PRRC2A: variants seen among roughly 807,000 people sequenced by gnomAD.
PRRC2A encodes protein PRRC2A.
In PRRC2A, 59 loss-of-function variants were observed where a neutral mutation model predicts 224.6. The observed-to-expected ratio is 0.26, with a 90% confidence interval of 0.21 to 0.33. The LOEUF (loss-of-function observed/expected upper bound fraction) is 0.33, where lower values mean the gene tolerates loss of function less well. PRRC2A is among the 10% of genes least tolerant of loss of function. PRRC2A has a pLI of 1.00. For missense variants in PRRC2A, 3,095 were observed against 2,880.7 expected (o/e 1.07, Z -1.70); for synonymous variants, 1,194 against 1,109.5 (o/e 1.08, Z -1.51).
chr6:31,635,320 G>T, intron 22 of PRRC2A, 48 bp downstream of exon 22: 2 of 1,613,784 alleles, frequency 1.2e-6, no homozygotes, highest in Non-Finnish European at 8.5e-7. Flanking sequence ...GGAGAGAAGG[G>T]AAGGACTAAA....
At position 31,630,793 on chromosome 6, in the gene PRRC2A, G is replaced by A; in HGVS notation, c.2457G>A (p.Lys819=). 1 of 1,614,070 alleles carries A rather than the reference G, an allele frequency of 6.2e-7. No individual in the cohort carries two copies. The highest frequency in any genetic ancestry group is 8.5e-7 in the Non-Finnish European group (1 of 1,180,000). The change falls in exon 15 of 31, where the codon AAG becomes AAA. Residue 819 remains lysine, a synonymous_variant. Transcript: ENST00000376033. The part of the protein sequence containing the change: ...PLRQAADEDD[K]GMRSETPPVP... Reference sequence around the variant, plus strand: ...GCCAGGCTGCGGATGAGGATGACAAGGGGATGAGGTGAGTCTTGGTCATGA... The same window carrying A: ...GCCAGGCTGCGGATGAGGATGACAAAGGGATGAGGTGAGTCTTGGTCATGA...
At chr6:31,628,920 T>A in intron 12 of PRRC2A, 1 of 546,810 alleles carries the variant, frequency 1.8e-6, no homozygotes, top group Non-Finnish European at 3.2e-6. Flanking sequence ...AAGAAAGTAC[T>A]GTTGTTCTAA....
At position 31,635,569 on chromosome 6, in the gene PRRC2A, C is replaced by G; in HGVS notation, c.5374-13C>G. The stretch of plus-strand genomic sequence containing the variant: ...TGCCAGACATCCCTCTCCACGAGGC[C>G]TCTCCTTCCCAGGCCATTCCTGTAT... On this transcript the variant is annotated splice_polypyrimidine_tract_variant and intron_variant, in intron 23 of 30. Transcript: ENST00000376033. The G allele has an allele frequency of 6.2e-7, 1 of 1,610,572 alleles. No homozygotes were observed. The highest frequency in any genetic ancestry group is 8.5e-7 in the Non-Finnish European group (1 of 1,178,306).
intron 14 of PRRC2A, 78 bp downstream of exon 14, chr6:31,629,923 C>T (rs3130623): frequency 0.18 from 287,245 of 1,571,048 alleles, 28,153 homozygotes; most frequent in African/African-American, 0.21. Context: ...CTTACTGTGA[C>T]TCTGGTACGA....
intron 1 of PRRC2A, 64 bp from the exon 2 acceptor site, chr6:31,622,626 C>T (rs1775419683): frequency 3.4e-6 from 2 of 596,688 alleles, no homozygotes; most frequent in African/African-American, 3.8e-5. Flanking sequence ...ACCAGAGGGC[C>T]TCATATCTGA....
At position 31,634,265 on chromosome 6, in the gene PRRC2A, A is replaced by G. The variant is rs748554560; in HGVS notation, c.4749A>G (p.Gly1583=). 5.0e-5 allele frequency: 80 copies of G among 1,595,042 alleles called. No individual in the cohort carries two copies. The South Asian group carries it at 6.6e-4, about 13-fold the overall frequency. The change falls in exon 19 of 31, where the codon GGA becomes GGG. Residue 1583 remains glycine (G), a synonymous_variant. Coordinates refer to ENST00000376033, the MANE Select transcript of PRRC2A (RefSeq NM_004638.4). ...EESLPPPHSS[G]FLGSKPEGPG... ...CTTTGCCACCTCCTCATAGCTCTGGATTCTTGGGCTCTAAGCCTGAGGGCC... is the reference window on the plus strand; with the variant it reads ...CTTTGCCACCTCCTCATAGCTCTGGGTTCTTGGGCTCTAAGCCTGAGGGCC...
At position 31,636,508 on chromosome 6, in the gene PRRC2A, A is replaced by G. The variant is rs1777366144; in HGVS notation, c.5836-2A>G. On this transcript the variant is annotated splice_acceptor_variant, in intron 26 of 30. Transcript: ENST00000376033. LOFTEE classifies it high-confidence loss of function. The surrounding 1 kb of genome is among the most constrained non-coding windows in gnomAD (Gnocchi z 4.3). ...GATATATTTCTCCCTGTTTCCCGAC[A>G]GGTACGCCAGGATCTGCCATCCCCT... The G allele has an allele frequency of 6.2e-7, 1 of 1,608,734 alleles. No homozygotes were observed. Among genetic ancestry groups the G allele is most frequent in the South Asian group, 1.1e-5 (1 of 90,814 alleles).
At position 31,631,079 on chromosome 6, in the gene PRRC2A, C is replaced by G; in HGVS notation, c.2466-60C>G. 7.1e-7 allele frequency: 1 copy of G among 1,405,318 alleles called. No homozygotes were observed. The highest frequency in any genetic ancestry group is 9.6e-7 in the Non-Finnish European group (1 of 1,036,920). 87.1% of individuals were successfully genotyped at this position (1,405,318 alleles called of 1,614,324 possible). A position where few individuals can be genotyped will look rare whatever the true frequency, so the allele number is the denominator to read the frequency against. On this transcript the variant is annotated intron_variant, in intron 15 of 30. Coordinates refer to ENST00000376033, the MANE Select transcript of PRRC2A (RefSeq NM_004638.4). The surrounding 1 kb of genome is among the most constrained non-coding windows in gnomAD (Gnocchi z 4.5). The stretch of plus-strand genomic sequence containing the variant: ...CTGCATCATAATAAAGTGTTCTTTT[C>G]CCACCTAGTTCTGGTTTTCCTGAGA...
At chr6:31,635,050 C>G (rs763261359) in intron 21 of PRRC2A, 73 bp downstream of exon 21, 5 of 1,596,588 alleles carry the variant, frequency 3.1e-6, no homozygotes, top group Non-Finnish European at 8.6e-7. Context: ...TCTGCTTTTT[C>G]TCTCTGCGTG....
intron 12 of PRRC2A, chr6:31,628,614 C>T (rs1015892418): frequency 4.0e-5 from 11 of 275,088 alleles, no homozygotes; most frequent in African/African-American, 8.7e-5. Flanking sequence ...GAGGCCGAGG[C>T]GGGCAGAACA....
In PRRC2A at chr6:31,633,869, T is replaced by C; in HGVS notation, c.4599T>C (p.Phe1533=). The change falls in exon 18 of 31, where the codon TTT becomes TTC. Residue 1533 remains phenylalanine (F), a synonymous_variant. Transcript: ENST00000376033. ...TTTTCTCTTTCCCAGACCCCCACTT[T>C]GAGGAGCCGGGGCCAATGGTGAGAG... ...VNSGLSSDPH[F]EEPGPMVRGV... is the part of the protein sequence containing the mutation. The C allele has an allele frequency of 2.5e-6, 4 of 1,574,386 alleles. 1 individual carries two copies. The South Asian group carries it at 4.7e-5, about 19-fold the overall frequency.
chr6:31,631,929 G>C lies in PRRC2A; in HGVS notation c.3256G>C (p.Glu1086Gln). The C allele has an allele frequency of 1.9e-6, 3 of 1,612,892 alleles. No homozygotes were observed. Among genetic ancestry groups the C allele is most frequent in the Non-Finnish European group, 2.5e-6 (3 of 1,179,994 alleles). The change falls in exon 16 of 31, where the codon GAG becomes CAG. Residue 1086 changes from glutamate (E) to glutamine (Q), a missense_variant. Glu to Gln is a conservative substitution (Grantham distance 29). Coordinates refer to ENST00000376033, the MANE Select transcript of PRRC2A (RefSeq NM_004638.4). This position sits in a 1 kb window ranked among gnomAD's most constrained non-coding sequence, Gnocchi z 4.5. The stretch of plus-strand genomic sequence containing the variant: ...TGCTCCCCGAGGCCGCACTGCCAGC[G>C]AGACACGGAGCGAGGGTTCAGAGTA... ...PPAPRGRTAS[E>Q]TRSEGSEYEE...
Position 31,627,668 on chromosome 6 carries a change from C to A in PRRC2A, c.1291-97C>A, listed in dbSNP as rs183612130. 9.4e-5 allele frequency: 137 copies of A among 1,462,980 alleles called. No homozygotes were observed. In the African/African-American group the frequency reaches 1.9e-3, roughly 20 times the overall value. The allele number at this position is 1,462,980 out of a possible 1,614,324, so 90.6% of individuals were successfully genotyped here. A position where few individuals can be genotyped will look rare whatever the true frequency, so the allele number is the denominator to read the frequency against. ...ATCAACCCCAAAGCCTGGGTCGTTG[C>A]ATCCTGCAAGTAGCGACAGTTGATT... On this transcript the variant is annotated intron_variant, in intron 11 of 30. Coordinates refer to ENST00000376033, the MANE Select transcript of PRRC2A (RefSeq NM_004638.4). This position sits in a 1 kb window ranked among gnomAD's most constrained non-coding sequence, Gnocchi z 5.6.
At position 31,636,843 on chromosome 6, in the gene PRRC2A, T is replaced by C. The variant is rs11751596; in HGVS notation, c.6045T>C (p.Ala2015=). The C allele has an allele frequency of 7.6e-4, 1,232 of 1,612,448 alleles. 1 individual carries two copies. Among genetic ancestry groups the C allele is most frequent in the Admixed American group, 8.7e-4 (52 of 60,018 alleles). Residue 2015 remains alanine, a synonymous_variant, in exon 28 of 31, where the codon GCT becomes GCC. Transcript: ENST00000376033. This position sits in a 1 kb window ranked among gnomAD's most constrained non-coding sequence, Gnocchi z 4.3. The stretch of plus-strand genomic sequence containing the variant: ...TTTCTCTGTTACCTGTGGGCCCTGC[T>C]CTGCAGCCCCCCAGCCTGGCTGTGC... The part of the protein sequence containing the change: ...PPLSLLPVGP[A]LQPPSLAVRP...
intron 15 of PRRC2A, 118 bp downstream of exon 15, chr6:31,630,919 A>G (rs1326793185): frequency 2.9e-6 from 4 of 1,367,516 alleles, no homozygotes; most frequent in Non-Finnish European, 4.0e-6. Flanking sequence ...GGCTGGATGG[A>G]GTGGCTCATG....
Position 31,626,039 on chromosome 6 carries a change from G to T in PRRC2A, c.859G>T (p.Gly287Cys), listed in dbSNP as rs772586700. The T allele has an allele frequency of 1.9e-6, 3 of 1,606,788 alleles. No homozygotes were observed. The Admixed American group carries it at 5.1e-5, about 27-fold the overall frequency. The change falls in exon 9 of 31, where the codon GGC becomes TGC. Residue 287 changes from glycine to cysteine, a missense_variant. By Grantham distance (159) the Gly-to-Cys change is radical. Coordinates refer to ENST00000376033, the MANE Select transcript of PRRC2A (RefSeq NM_004638.4). ...DGPSRFPRVAGPRGSGPPMRL... is the reference protein window; with the variant it reads ...DGPSRFPRVACPRGSGPPMRL... The stretch of plus-strand genomic sequence containing the variant: ...GTACAGCCGTTTTCCCCGTGTGGCG[G>T]GCCCCCGAGGCTCAGGGCCACCAAT...
chr6:31,634,008 A>G lies in PRRC2A; in HGVS notation c.4719+19A>G. 6.2e-7 allele frequency: 1 copy of G among 1,600,648 alleles called. No homozygotes were observed. The highest frequency in any genetic ancestry group is 8.5e-7 in the Non-Finnish European group (1 of 1,177,016). On this transcript the variant is annotated intron_variant, in intron 18 of 30. Coordinates refer to ENST00000376033, the MANE Select transcript of PRRC2A (RefSeq NM_004638.4). ...ACAGGAGGTAAGGGATGGGTTTGAG[A>G]TTGTGCTTCACTGCACTCTTACTCG...
intron 1 of PRRC2A, among the ~76,000 whole-genome samples, chr6:31,622,341 T>G (rs1775384732): frequency 1.3e-5 from 2 of 152,246 alleles, no homozygotes; most frequent in Admixed American, 1.3e-4. Flanking sequence ...ATGCTTCTTT[T>G]TTAGTTTTCT....
Position 31,633,865 on chromosome 6 carries a change from A to C in PRRC2A, c.4595A>C (p.His1532Pro). 6.3e-7 allele frequency: 1 copy of C among 1,575,086 alleles called. No individual in the cohort carries two copies. The highest frequency in any genetic ancestry group is 8.6e-7 in the Non-Finnish European group (1 of 1,169,514). ...CCCTTTTTCTCTTTCCCAGACCCCC[A>C]CTTTGAGGAGCCGGGGCCAATGGTG... ...RVNSGLSSDP[H>P]FEEPGPMVRG... The change falls in exon 18 of 31, where the codon CAC (histidine) becomes CCC (proline). Residue 1532 changes from histidine (H) to proline (P), a missense_variant. This residue lies in a region of PRRC2A where 2,001 missense variants were observed against 1,764.9 expected (regional missense o/e 1.13). Coordinates refer to ENST00000376033, the MANE Select transcript of PRRC2A (RefSeq NM_004638.4).
Sources: gnomAD v4.1 joint callset for allele counts (sites outside exome capture counted in the v4.1 genomes callset) on GRCh38, gnomAD v4.1.1 for gene constraint, gnomAD v4.1.1 regional missense constraint, Gnocchi (gnomAD v3.1) non-coding constraint, MANE v1.5 for transcripts, NCBI Gene and HGNC (gene_info 2026-07-23, HGNC 2026-07-21) for gene names.